SPTBN1: variants seen among roughly 807,000 people sequenced by gnomAD.
SPTBN1 encodes spectrin beta chain, non-erythrocytic 1.
A neutral mutation model predicts 266.4 loss-of-function variants in SPTBN1; 32 were observed. That is an observed-to-expected ratio of 0.12 (90% CI 0.09 to 0.16). The LOEUF is 0.16. SPTBN1 is among the 10% of genes least tolerant of loss of function. The pLI, the probability that SPTBN1 is intolerant of heterozygous loss-of-function variation, is 1.00. For synonymous variants in SPTBN1, 1,336 were observed against 1,162.2 expected, an observed-to-expected ratio of 1.15 and a Z score of -3.04; for missense variants, 2,296 against 3,067.1, an observed-to-expected ratio of 0.75 and a Z score of 5.94.
rs374090607 is a variant in SPTBN1 at position 54,600,714 on chromosome 2, AT to A, written c.300+1487del. On this transcript the variant is annotated intron_variant, in intron 3 of 35. Transcript: ENST00000356805. ...TTTAACCTAGTATGTTTATTTATTG[AT>A]TTTTTTTTTTTTTTTGTGGAGTGGG... 3.2e-3 allele frequency among the ~76,000 whole-genome samples: 401 copies of A among 126,900 alleles called. 1 individual carries two copies. The highest frequency in any genetic ancestry group is 7.6e-3 in the African/African-American group (258 of 33,864). 83.3% of individuals were successfully genotyped at this position (126,900 alleles called of 152,430 possible).
intron 2 of SPTBN1, among the ~76,000 whole-genome samples, chr2:54,566,845 T>G (rs1204297216): frequency 6.6e-6 from 1 of 152,058 alleles, no homozygotes; most frequent in African/African-American, 2.4e-5. Flanking sequence ...AAAAAAAGTT[T>G]GATGATTGTT....
At position 54,645,164 on chromosome 2, in the gene SPTBN1, G is replaced by T; in HGVS notation, c.4270-65G>T. 6.4e-7 allele frequency: 1 copy of T among 1,570,044 alleles called. No individual in the cohort carries two copies. On this transcript the variant is annotated intron_variant, in intron 20 of 35. Transcript: ENST00000356805. The surrounding 1 kb of genome is among the most constrained non-coding windows in gnomAD (Gnocchi z 4.3). ...GCCAAGTCCCAGGCCCAGCAGTTCT[G>T]CTTAGAGCCAGTCACTGCAAAAGAT...
At chr2:54,587,206 TTG>T (rs1333688152) in intron 2 of SPTBN1, among the ~76,000 whole-genome samples, 1 of 152,230 alleles carries the variant, frequency 6.6e-6, no homozygotes, top group Non-Finnish European at 1.5e-5. Flanking sequence ...CCTTTAGCCC[TTG>T]AAAATGAAGT....
chr2:54,525,888 C>T (rs781318359), intron 1 of SPTBN1, among the ~76,000 whole-genome samples: 3 of 152,362 alleles, frequency 2.0e-5, no homozygotes, highest in South Asian at 2.1e-4. Flanking sequence ...TGTGCCACCA[C>T]GCCCAGCTAA....
At position 54,558,702 on chromosome 2, in the gene SPTBN1, G is replaced by C; in HGVS notation, c.148+32136G>C. ...GGAGCCGAGCGCTGCGGAGGCTGCT[G>C]CGTGTTGGATGGGAGTGGGAGGGGG... On this transcript the variant is annotated intron_variant, in intron 2 of 35. Transcript: ENST00000356805. This position sits in a 1 kb window ranked among gnomAD's most constrained non-coding sequence, Gnocchi z 4.6. The C allele has an allele frequency of 6.4e-7, 1 of 1,555,874 alleles. No individual in the cohort carries two copies. The highest frequency in any genetic ancestry group is 8.7e-7 in the Non-Finnish European group (1 of 1,146,184).
chr2:54,611,888 T>C (rs1677240271), intron 3 of SPTBN1, among the ~76,000 whole-genome samples: 1 of 152,232 alleles, frequency 6.6e-6, no homozygotes, highest in South Asian at 2.1e-4. Flanking sequence ...GGATTCTCTC[T>C]TCCCTGAACT....
chr2:54,487,832 C>CTTT lies in SPTBN1; in HGVS notation c.-48+31327_-48+31329dup, dbSNP rs70944169. Among the ~76,000 whole-genome samples the CTTT allele has an allele frequency of 3.1e-4, 21 of 68,646 alleles. 3 individuals carry two copies. Among genetic ancestry groups the CTTT allele is most frequent in the East Asian group, 1.5e-3 (3 of 2,032 alleles). The allele number at this position is 68,646 out of a possible 152,430, so 45.0% of individuals were successfully genotyped here. ...TTCACTTGATGGTCTCCTCCTGTGT[C>CTTT]TTTTTTTTTTTTTTTGAGACGGAGT... On this transcript the variant is annotated intron_variant, in intron 1 of 35. Coordinates refer to ENST00000356805, the MANE Select transcript of SPTBN1 (RefSeq NM_003128.3).
In SPTBN1 at chr2:54,623,584, T is replaced by C; in HGVS notation, c.1170T>C (p.Ser390=). 1 of 1,613,894 alleles carries C rather than the reference T, an allele frequency of 6.2e-7. No individual in the cohort carries two copies. Among genetic ancestry groups the C allele is most frequent in the Non-Finnish European group, 8.5e-7 (1 of 1,179,854 alleles). Residue 390 remains serine (S), a synonymous_variant, in exon 10 of 36, where the codon TCT becomes TCC. Coordinates refer to ENST00000356805, the MANE Select transcript of SPTBN1 (RefSeq NM_003128.3). ...VYMPREGKLI[S]DINKAWERLE... ...TGCCCCGGGAGGGGAAGCTCATCTC[T>C]GACATCAACAAGGTAAAGTGGATCT...
chr2:54,662,729 T>C (rs1172128206), intron 32 of SPTBN1: 3 of 152,222 alleles, frequency 2.0e-5, no homozygotes, highest in Admixed American at 1.3e-4. Context: ...TCACATTATT[T>C]TGACTCAGGG....
intron 35 of SPTBN1, 98 bp from the exon 36 acceptor site, chr2:54,668,236 GAAGTGACTCTGCTTACC>G (rs1339527809): frequency 5.3e-6 from 5 of 936,012 alleles, no homozygotes; most frequent in Non-Finnish European, 8.3e-6. Flanking sequence ...ACAGTGCCCA[GAAGTGACTCTGCTTACC>G]CCTCAGTTGG....
chr2:54,643,999 AT>A (rs1679754388), intron 19 of SPTBN1, among the ~76,000 whole-genome samples: 1 of 151,864 alleles, frequency 6.6e-6, no homozygotes, highest in South Asian at 2.1e-4. Context: ...AATAATAATA[AT>A]AATAATAATA....
intron 2 of SPTBN1, among the ~76,000 whole-genome samples, chr2:54,536,824 T>C (rs12617036): frequency 6.6e-6 from 1 of 151,964 alleles, no homozygotes; most frequent in Non-Finnish European, 1.5e-5. Context: ...TTGAGTCCAG[T>C]AGTTAAAGAC....
At chr2:54,598,610 C>T (rs959967627) in intron 2 of SPTBN1, among the ~76,000 whole-genome samples, 3 of 152,174 alleles carry the variant, frequency 2.0e-5, no homozygotes, top group Admixed American at 6.5e-5. Flanking sequence ...ATTTCCTACC[C>T]TACACCCTTT....
In SPTBN1 at chr2:54,631,543, T is replaced by G; in HGVS notation, c.3496T>G (p.Ser1166Ala). Residue 1166 changes from serine to alanine, a missense_variant, in exon 16 of 36, where the codon TCC (serine) becomes GCC (alanine). By Grantham distance (99) the Ser-to-Ala change is moderately conservative. Around this residue, in one of 12 missense-constraint regions of SPTBN1, gnomAD observed 386 missense variants for 486.1 expected, o/e 0.79. Coordinates refer to ENST00000356805, the MANE Select transcript of SPTBN1 (RefSeq NM_003128.3). The part of the protein sequence containing the change: ...KMWENRQNLL[S>A]QSHAYQQFLR... ...GTGGGAGAACAGACAAAATCTCCTA[T>G]CCCAGTCACATGCCTACCAGCAGTT... The G allele has an allele frequency of 6.2e-7, 1 of 1,614,150 alleles. No individual in the cohort carries two copies. The highest frequency in any genetic ancestry group is 8.5e-7 in the Non-Finnish European group (1 of 1,180,030).
chr2:54,581,113 AT>A (rs894377982), intron 2 of SPTBN1, among the ~76,000 whole-genome samples: 136 of 152,130 alleles, frequency 8.9e-4, no homozygotes, highest in Middle Eastern at 3.4e-3. Flanking sequence ...AAAAGAAAAA[AT>A]ATATAAATAT....
At chr2:54,667,471 G>A in intron 34 of SPTBN1, 133 bp from the exon 35 acceptor site, 1 of 752,820 alleles carries the variant, frequency 1.3e-6, no homozygotes, top group Admixed American at 2.6e-5. Flanking sequence ...CAGGCTTGGT[G>A]GTGACATATG....
intron 2 of SPTBN1, among the ~76,000 whole-genome samples, chr2:54,591,280 G>A (rs560279258): frequency 1.3e-4 from 20 of 152,004 alleles, no homozygotes; most frequent in Admixed American, 1.0e-3. Flanking sequence ...TAAATAGTGG[G>A]GATATGTTCA....
rs1376322125 is a variant in SPTBN1, at chr2:54,558,044, C to A, written c.148+31478C>A. 2 of 985,318 alleles carry A rather than the reference C, an allele frequency of 2.0e-6. No homozygotes were observed. The highest frequency in any genetic ancestry group is 1.1e-4 in the East Asian group (1 of 8,822). The allele number at this position is 985,318 out of a possible 1,614,324, so 61.0% of individuals were successfully genotyped here. ...TGGGGCTCTTCACTCTCCAGGCCGT[C>A]CCGTGGGCGCGCTAGCCTTTTCAAG... is the stretch of plus-strand genomic sequence containing the variant. On this transcript the variant is annotated intron_variant, in intron 2 of 35. Transcript: ENST00000356805. The surrounding 1 kb of genome is among the most constrained non-coding windows in gnomAD (Gnocchi z 4.6).
intron 1 of SPTBN1, among the ~76,000 whole-genome samples, chr2:54,520,885 T>C (rs748918134): frequency 2.6e-5 from 4 of 152,122 alleles, no homozygotes; most frequent in Non-Finnish European, 5.9e-5. Flanking sequence ...GCCTTTCTCT[T>C]CAAGGGGAGA....
Sources: allele counts gnomAD v4.1 joint callset (sites outside exome capture counted in the v4.1 genomes callset), GRCh38; gene constraint gnomAD v4.1.1; regional missense constraint gnomAD v4.1.1; non-coding constraint Gnocchi (gnomAD v3.1); transcripts MANE v1.5; gene names NCBI Gene and HGNC (gene_info 2026-07-23, HGNC 2026-07-21).